Variants in ZCCHC8 observed in about 807,000 individuals in gnomAD.
ZCCHC8 encodes the protein zinc finger CCHC-type containing 8.
ZCCHC8 carries 27 observed loss-of-function variants against 70.6 expected under a neutral mutation model. That is an observed-to-expected ratio of 0.38 (90% CI 0.28 to 0.53). The LOEUF is 0.53. Among genes scored for constraint, ZCCHC8 ranks in the 20% least tolerant of loss-of-function variants. The probability of loss-of-function intolerance (pLI) is 0.81; values close to 1 mark genes in which losing one functional copy is unlikely to be tolerated. For missense variants in ZCCHC8, 737 were observed against 876.9 expected, an observed-to-expected ratio of 0.84 and a Z score of 2.01; for synonymous variants, 293 against 317.4, an observed-to-expected ratio of 0.92 and a Z score of 0.82.
chr12:122,492,916 G>A, intron 2 of ZCCHC8, 127 bp from the exon 3 acceptor site: 1 of 643,126 alleles, frequency 1.6e-6, no homozygotes, highest in Non-Finnish European at 2.7e-6. Flanking sequence ...TGTCGCTCGT[G>A]CTGGAGTGCT....
rs1957361754 is a variant in ZCCHC8, at chr12:122,473,843, G to A, written c.1778C>T (p.Ala593Val). The A allele has an allele frequency of 1.2e-6, 2 of 1,613,760 alleles. No individual in the cohort carries two copies. Among genetic ancestry groups the A allele is most frequent in the Middle Eastern group, 1.6e-4 (1 of 6,084 alleles). ...VPEIFTKKSE[A>V]GHASSPDSEV... The stretch of plus-strand genomic sequence containing the variant: ...AGAGTCTGGACTGGAGGCATGTCCA[G>A]CTTCTGATTTCTTTGTAAAAATCTC... The change falls in exon 14 of 14, where the codon GCT (alanine) becomes GTT (valine). Residue 593 changes from alanine (A) to valine (V), a missense_variant. Transcript: ENST00000633063.
In ZCCHC8 at chr12:122,483,555, T is replaced by G. The variant is rs1957578238; in HGVS notation, c.510A>C (p.Gly170=). 1.3e-6 allele frequency: 2 copies of G among 1,576,444 alleles called. No individual in the cohort carries two copies. The highest frequency in any genetic ancestry group is 1.7e-6 in the Non-Finnish European group (2 of 1,159,456). ...KNNKEAFSVV[G]SVLYFTNFCL... ...AAAAATTAGTAAAATACAGGACACT[T>G]CCTACAACCTGCAGAAAACAAGTCA... is the stretch of plus-strand genomic sequence containing the variant. Residue 170 remains glycine (G), a synonymous_variant, in exon 6 of 14, where the codon GGA becomes GGC. Coordinates refer to ENST00000633063, the MANE Select transcript of ZCCHC8 (RefSeq NM_017612.5). This position sits in a 1 kb window ranked among gnomAD's most constrained non-coding sequence, Gnocchi z 4.4.
At chr12:122,485,732 G>A (rs1165111182) in intron 5 of ZCCHC8, among the ~76,000 whole-genome samples, 4 of 150,474 alleles carry the variant, frequency 2.7e-5, no homozygotes, top group South Asian at 4.2e-4. Flanking sequence ...GTGCAGTGGC[G>A]CGATCTCGGC....
chr12:122,487,851 A>C (rs1221319996), intron 5 of ZCCHC8, among the ~76,000 whole-genome samples: 1 of 151,810 alleles, frequency 6.6e-6, no homozygotes, highest in Admixed American at 6.6e-5. Context: ...ATATGTATCT[A>C]TACATACATA....
chr12:122,496,424 A>C (rs1957827043), intron 2 of ZCCHC8, among the ~76,000 whole-genome samples: 1 of 152,176 alleles, frequency 6.6e-6, no homozygotes, highest in Non-Finnish European at 1.5e-5. Flanking sequence ...ATGATGCGGT[A>C]ATCGTTTGAA....
Position 122,474,236 on chromosome 12 carries a change from A to C in ZCCHC8, c.1385T>G (p.Phe462Cys). The C allele has an allele frequency of 6.8e-7, 1 of 1,478,270 alleles. No homozygotes were observed. The highest frequency in any genetic ancestry group is 8.9e-7 in the Non-Finnish European group (1 of 1,119,814). The allele number at this position is 1,478,270 out of a possible 1,614,324, so 91.6% of individuals were successfully genotyped here. ...AGGAGGTAATGGTGGTTGAAACTGA[A>C]AACTTTCGCTGCTCTGAGAACCATG... ...VPHGSQSSES[F>C]QFQPPLPPDT... Residue 462 changes from phenylalanine (F) to cysteine (C), a missense_variant, in exon 14 of 14, where the codon TTT (phenylalanine) becomes TGT (cysteine). Transcript: ENST00000633063.
chr12:122,475,085 T>C (rs1957393342), intron 13 of ZCCHC8, among the ~76,000 whole-genome samples: 1 of 148,142 alleles, frequency 6.8e-6, no homozygotes, highest in African/African-American at 2.5e-5. Context: ...TCTTGCTCTG[T>C]TGCCCAGGCT....
In ZCCHC8 at chr12:122,480,307, G is replaced by A. The variant is rs1211075862; in HGVS notation, c.1023C>T (p.Gly341=). 3.1e-6 allele frequency: 5 copies of A among 1,609,800 alleles called. No homozygotes were observed. Among genetic ancestry groups the A allele is most frequent in the South Asian group, 1.1e-5 (1 of 90,406 alleles). ...SGLALYDGKD[G]TDGETEVGEI... is the part of the protein sequence containing the mutation. ...CTCCAACTTCTGTTTCCCCATCAGTGCCATCTATTACAGACCATAAAAAGT... is the reference window on the plus strand; with the variant it reads ...CTCCAACTTCTGTTTCCCCATCAGTACCATCTATTACAGACCATAAAAAGT... The change falls in exon 11 of 14, where the codon GGC becomes GGT. Residue 341 remains glycine, a synonymous_variant. Transcript: ENST00000633063.
intron 10 of ZCCHC8, 154 bp from the exon 11 acceptor site, chr12:122,480,465 G>T: frequency 6.5e-6 from 4 of 613,470 alleles, no homozygotes; most frequent in Non-Finnish European, 9.9e-6. Context: ...TAAATCATTA[G>T]GACAGAACTT....
chr12:122,500,767 T>A lies in ZCCHC8; in HGVS notation c.74A>T (p.Lys25Met). 6.3e-7 allele frequency: 1 copy of A among 1,590,564 alleles called. No homozygotes were observed. The highest frequency in any genetic ancestry group is 2.3e-5 in the East Asian group (1 of 43,692). The change falls in exon 1 of 14, where the codon AAG becomes ATG. Residue 25 changes from lysine to methionine, a missense_variant. Coordinates refer to ENST00000633063, the MANE Select transcript of ZCCHC8 (RefSeq NM_017612.5). This position sits in a 1 kb window ranked among gnomAD's most constrained non-coding sequence, Gnocchi z 4.8. ...PFDHPEESIPKPVHTRFKDDD... is the reference protein window; with the variant it reads ...PFDHPEESIPMPVHTRFKDDD... Reference sequence around the variant, plus strand: ...GTCCTTGAAGCGAGTGTGAACGGGCTTCGGAATCGACTCCTCTGGGTGGTC... The same window carrying A: ...GTCCTTGAAGCGAGTGTGAACGGGCATCGGAATCGACTCCTCTGGGTGGTC...
Position 122,473,829 on chromosome 12 carries a change from T to C in ZCCHC8, c.1792A>G (p.Ser598Gly), listed in dbSNP as rs764763017. ...TKKSEAGHAS[S>G]PDSEVTSLCQ... ...AGTGATGTCACCTCAGAGTCTGGAC[T>C]GGAGGCATGTCCAGCTTCTGATTTC... The change falls in exon 14 of 14, where the codon AGT (serine) becomes GGT (glycine). Residue 598 changes from serine to glycine, a missense_variant. Transcript: ENST00000633063. 3.1e-6 allele frequency: 5 copies of C among 1,613,958 alleles called. No individual in the cohort carries two copies. Among genetic ancestry groups the C allele is most frequent in the Non-Finnish European group, 4.2e-6 (5 of 1,179,882 alleles).
At position 122,482,240 on chromosome 12, in the gene ZCCHC8, A is replaced by G. The variant is rs1566292292; in HGVS notation, c.733-153T>C. ...GTAAAAGAGGGTGAATATTTTAGAA[A>G]AATACGTAAGGAAAGGAGCAGTCTA... is the stretch of plus-strand genomic sequence containing the variant. On this transcript the variant is annotated intron_variant, in intron 8 of 13. Transcript: ENST00000633063. The G allele has an allele frequency of 1.3e-5, 10 of 778,940 alleles. No homozygotes were observed. The East Asian group carries it at 2.9e-4, about 23-fold the overall frequency. The allele number at this position is 778,940 out of a possible 1,614,324, so 48.3% of individuals were successfully genotyped here.
At chr12:122,482,199 T>G in intron 8 of ZCCHC8, 112 bp from the exon 9 acceptor site, 1 of 1,200,084 alleles carries the variant, frequency 8.3e-7, no homozygotes, top group Non-Finnish European at 1.1e-6. Context: ...TTAGTTTTAA[T>G]GTATAACGAA....
intron 11 of ZCCHC8, 41 bp downstream of exon 11, chr12:122,480,149 T>C: frequency 6.7e-7 from 1 of 1,490,742 alleles, no homozygotes; most frequent in African/African-American, 1.4e-5. Flanking sequence ...AACATAATAA[T>C]ATCACATCAC....
chr12:122,494,283 G>A (rs994716274), intron 2 of ZCCHC8, among the ~76,000 whole-genome samples: 1 of 152,148 alleles, frequency 6.6e-6, no homozygotes, highest in Non-Finnish European at 1.5e-5. Flanking sequence ...GCTGGGCGCA[G>A]TGGCTCATGC....
rs920841617 is a variant in ZCCHC8, at chr12:122,480,094, G to C, written c.1140+96C>G. 3 of 1,161,048 alleles carry C rather than the reference G, an allele frequency of 2.6e-6. No individual in the cohort carries two copies. The East Asian group carries it at 7.9e-5, about 30-fold the overall frequency. 71.9% of individuals were successfully genotyped at this position (1,161,048 alleles called of 1,614,324 possible). On this transcript the variant is annotated intron_variant, in intron 11 of 13. Transcript: ENST00000633063. ...CCCAAAGTGTTGGGATTACAGGTGT[G>C]AGCCACTATGCCTAGCCAACAAGTT... is the stretch of plus-strand genomic sequence containing the variant.
chr12:122,500,286 C>T lies in ZCCHC8; in HGVS notation c.199+356G>A. On this transcript the variant is annotated intron_variant, in intron 1 of 13. Coordinates refer to ENST00000633063, the MANE Select transcript of ZCCHC8 (RefSeq NM_017612.5). The surrounding 1 kb of genome is among the most constrained non-coding windows in gnomAD (Gnocchi z 4.8). ...TGACGGCACAATTTGAGCGTGGCTG[C>T]GAAATATGAAACCTCACCACGACCT... 1 of 239,988 alleles carries T rather than the reference C, an allele frequency of 4.2e-6. No homozygotes were observed. The highest frequency in any genetic ancestry group is 6.8e-5 in the South Asian group (1 of 14,710). 14.9% of individuals were successfully genotyped at this position (239,988 alleles called of 1,614,324 possible).
rs1229265723 is a variant in ZCCHC8 at position 122,481,754 on chromosome 12, T to A, written c.876-90A>T. ...CTGGTATTTTAAAACATTTCTTGCT[T>A]ATATTACATACCATGACGTCTAACA... On this transcript the variant is annotated intron_variant, in intron 9 of 13. Transcript: ENST00000633063. 37 of 1,441,868 alleles carry A rather than the reference T, an allele frequency of 2.6e-5. 1 individual carries two copies. The highest frequency in any genetic ancestry group is 3.2e-5 in the Non-Finnish European group (34 of 1,070,848). 89.3% of individuals were successfully genotyped at this position (1,441,868 alleles called of 1,614,324 possible).
rs1566283115 is a variant in ZCCHC8 at position 122,474,174 on chromosome 12, CG to C, written c.1446del (p.Val483SerfsTer13). The C allele has an allele frequency of 2.6e-6, 4 of 1,512,780 alleles. No individual in the cohort carries two copies. Among genetic ancestry groups the C allele is most frequent in the Non-Finnish European group, 8.8e-7 (1 of 1,138,686 alleles). The allele number at this position is 1,512,780 out of a possible 1,614,324, so 93.7% of individuals were successfully genotyped here. On this transcript the variant is annotated frameshift_variant, in exon 14 of 14. Coordinates refer to ENST00000633063, the MANE Select transcript of ZCCHC8 (RefSeq NM_017612.5). LOFTEE classifies it low-confidence loss of function (END_TRUNC). ...CCCTTTGGGAGTGGAGGGGTGAAGA[CG>C]GGTGGAGGAGTTCCCCGGGGGAGTG... is the stretch of plus-strand genomic sequence containing the variant. ...TPPLPRGTPPPVFTPPLPKGT... is the reference protein window; with the variant it reads ...TPPLPRGTPPXVFTPPLPKGT...
Sources: allele counts gnomAD v4.1 joint callset (sites outside exome capture counted in the v4.1 genomes callset), GRCh38; gene constraint gnomAD v4.1.1; non-coding constraint Gnocchi (gnomAD v3.1); transcripts MANE v1.5; gene names NCBI Gene and HGNC (gene_info 2026-07-23, HGNC 2026-07-21).